The following TOPORS variants were observed in gnomAD, a reference collection of about 807,000 sequenced individuals.
The protein encoded by TOPORS is E3 ubiquitin-protein ligase Topors.
In TOPORS, 25 loss-of-function variants were observed where a neutral mutation model predicts 81.4. That is an observed-to-expected ratio of 0.31 (90% CI 0.22 to 0.43). The LOEUF is 0.43. TOPORS is among the 20% of genes least tolerant of loss of function. The probability of loss-of-function intolerance (pLI) is 1.00; values close to 1 mark genes in which losing one functional copy is unlikely to be tolerated. For missense variants in TOPORS, 1,101 were observed against 1,267.0 expected (o/e 0.87, Z 1.99); for synonymous variants, 473 against 456.6 (o/e 1.04, Z -0.46).
At position 32,543,998 on chromosome 9, in the gene TOPORS, C is replaced by A. The variant is rs778023328; in HGVS notation, c.527G>T (p.Arg176Leu). Residue 176 changes from arginine (R) to leucine (L), a missense_variant, in exon 3 of 3, where the codon CGA (arginine) becomes CTA (leucine). Arg to Leu is a moderately radical substitution (Grantham distance 102). This residue lies in a region of TOPORS where 120 missense variants were observed against 115.4 expected (regional missense o/e 1.04). Coordinates refer to ENST00000360538, the MANE Select transcript of TOPORS (RefSeq NM_005802.5). This position sits in a 1 kb window ranked among gnomAD's most constrained non-coding sequence, Gnocchi z 5.6. Reference sequence around the variant, plus strand: ...CAGAGTTGTACGGTAGCGAAATCGTCGATCAGGGGTGACAAAAGAACCATT... The same window carrying A: ...CAGAGTTGTACGGTAGCGAAATCGTAGATCAGGGGTGACAAAAGAACCATT... ...SYNGSFVTPD[R>L]RFRYRTTLTR... is the part of the protein sequence containing the mutation. 1 of 1,614,106 alleles carries A rather than the reference C, an allele frequency of 6.2e-7. No individual in the cohort carries two copies. Among genetic ancestry groups the A allele is most frequent in the South Asian group, 1.1e-5 (1 of 91,068 alleles).
At chr9:32,551,238 T>A in intron 1 of TOPORS, 1 of 584,942 alleles carries the variant, frequency 1.7e-6, no homozygotes, top group Admixed American at 3.0e-5. Context: ...TGTTCGCCCC[T>A]AACTTACCCG....
rs1821079892 is a variant in TOPORS, at chr9:32,542,413, A to ATAC, written c.2109_2111dup (p.Glu703_Tyr704insTer). On this transcript the variant is annotated stop_gained, in exon 3 of 3. Coordinates refer to ENST00000360538, the MANE Select transcript of TOPORS (RefSeq NM_005802.5). LOFTEE classifies it high-confidence loss of function. ...TGTCCTTGTTTCTACTGTAATAAGT[A>ATAC]TACTCCCATTTGTATCTGCTTCCAT... is the stretch of plus-strand genomic sequence containing the variant. 1 of 1,613,728 alleles carries ATAC rather than the reference A, an allele frequency of 6.2e-7. No individual in the cohort carries two copies. The highest frequency in any genetic ancestry group is 1.1e-5 in the South Asian group (1 of 91,090).
chr9:32,544,821 C>G (rs1298812331), intron 2 of TOPORS, among the ~76,000 whole-genome samples: 2 of 152,006 alleles, frequency 1.3e-5, no homozygotes, highest in African/African-American at 2.4e-5. Flanking sequence ...CCTCCTATCA[C>G]TCTCTAGAAA....
chr9:32,545,447 T>C (rs7851560), intron 2 of TOPORS, among the ~76,000 whole-genome samples: 34,907 of 150,830 alleles, frequency 0.23, 4,288 homozygotes, highest in African/African-American at 0.27. Flanking sequence ...CTGCATTTTA[T>C]ACTAATCATT....
chr9:32,551,326 T>C, intron 1 of TOPORS: 1 of 415,332 alleles, frequency 2.4e-6, no homozygotes, highest in East Asian at 5.2e-5. Flanking sequence ...CTTTAGTGTC[T>C]AGATAGGGGA....
Position 32,543,016 on chromosome 9 carries a change from G to C in TOPORS, c.1509C>G (p.Asp503Glu). Residue 503 changes from aspartate to glutamate, a missense_variant, in exon 3 of 3, where the codon GAC becomes GAG. By Grantham distance (45) the Asp-to-Glu change is conservative (BLOSUM62 2). This residue lies in a region of TOPORS where 605 missense variants were observed against 636.1 expected (regional missense o/e 0.95). Transcript: ENST00000360538. This position sits in a 1 kb window ranked among gnomAD's most constrained non-coding sequence, Gnocchi z 5.6. The stretch of plus-strand genomic sequence containing the variant: ...TCTCCATTTTCTCATAAGAACCTAA[G>C]TCCTCAGAATCAGAGGACAGTTCAA... The part of the protein sequence containing the change: ...ELVELSSDSE[D>E]LGSYEKMETV... The C allele has an allele frequency of 6.2e-7, 1 of 1,614,146 alleles. No homozygotes were observed. Among genetic ancestry groups the C allele is most frequent in the Non-Finnish European group, 8.5e-7 (1 of 1,180,036 alleles).
chr9:32,548,616 C>A (rs902062006), intron 2 of TOPORS, among the ~76,000 whole-genome samples: 3 of 152,136 alleles, frequency 2.0e-5, no homozygotes, highest in African/African-American at 4.8e-5. Flanking sequence ...CGATGAAAAA[C>A]ACAGTGCTTC....
In TOPORS at chr9:32,541,874, T is replaced by C. The variant is rs369736175; in HGVS notation, c.2651A>G (p.Lys884Arg). The stretch of plus-strand genomic sequence containing the variant: ...CTTCTTCTTATGTTTCTTCTTTTTC[T>C]TTTTATGGTGTTTAGTTGTATCAGT... ...KATDTTKHHKKKKKKHKKKHK... is the reference protein window; with the variant it reads ...KATDTTKHHKRKKKKHKKKHK... The change falls in exon 3 of 3, where the codon AAG becomes AGG. Residue 884 changes from lysine (K) to arginine (R), a missense_variant. Physicochemically the swap from Lys to Arg is conservative, Grantham distance 26 (BLOSUM62 2). Coordinates refer to ENST00000360538, the MANE Select transcript of TOPORS (RefSeq NM_005802.5). The C allele has an allele frequency of 1.9e-6, 3 of 1,614,058 alleles. No homozygotes were observed. The highest frequency in any genetic ancestry group is 2.7e-5 in the African/African-American group (2 of 74,942).
Position 32,543,312 on chromosome 9 carries a change from C to A in TOPORS, c.1213G>T (p.Asp405Tyr). The A allele has an allele frequency of 6.2e-7, 1 of 1,614,064 alleles. No individual in the cohort carries two copies. The highest frequency in any genetic ancestry group is 8.5e-7 in the Non-Finnish European group (1 of 1,180,016). Residue 405 changes from aspartate to tyrosine, a missense_variant, in exon 3 of 3, where the codon GAT becomes TAT. By Grantham distance (160) the Asp-to-Tyr change is radical. This residue lies in a region of TOPORS where 103 missense variants were observed against 112.1 expected (regional missense o/e 0.92). Transcript: ENST00000360538. The surrounding 1 kb of genome is among the most constrained non-coding windows in gnomAD (Gnocchi z 5.6). ...SPDEAETQEL[D>Y]INVATVSQAP... ...TGACTAACAGTGGCTACATTAATATCCAGCTCTTGGGTCTCAGCCTCATCT... is the reference window on the plus strand; with the variant it reads ...TGACTAACAGTGGCTACATTAATATACAGCTCTTGGGTCTCAGCCTCATCT...
In TOPORS at chr9:32,542,296, G is replaced by T. The variant is rs1821077634; in HGVS notation, c.2229C>A (p.Ser743=). The change falls in exon 3 of 3, where the codon TCC becomes TCA. Residue 743 remains serine (S), a synonymous_variant. Transcript: ENST00000360538. ...TCCTAGCATTTGTTCTTTCAGAAAA[G>T]GACTGAACTCTAAATTCTGGACTTG... ...QSSSPEFRVQ[S]FSERTNARKK... The T allele has an allele frequency of 5.0e-6, 8 of 1,613,952 alleles. No individual in the cohort carries two copies. Among genetic ancestry groups the T allele is most frequent in the African/African-American group, 1.3e-5 (1 of 74,886 alleles).
Position 32,544,284 on chromosome 9 carries a change from A to T in TOPORS, c.241T>A (p.Ser81Thr), listed in dbSNP as rs973149849. 1.9e-6 allele frequency: 3 copies of T among 1,603,900 alleles called. No individual in the cohort carries two copies. Among genetic ancestry groups the T allele is most frequent in the Non-Finnish European group, 2.5e-6 (3 of 1,179,978 alleles). ...AAKEFKMDNF[S>T]PKAGTSKLQQ... ...AATTTGCTAGTGCCAGCTTTAGGTG[A>T]AAAGTTGTCCATTTTAAATTCCTTA... is the stretch of plus-strand genomic sequence containing the variant. The change falls in exon 3 of 3, where the codon TCA becomes ACA. Residue 81 changes from serine (S) to threonine (T), a missense_variant. This residue lies in a region of TOPORS where 48 missense variants were observed against 73.3 expected (regional missense o/e 0.65). Coordinates refer to ENST00000360538, the MANE Select transcript of TOPORS (RefSeq NM_005802.5).
Position 32,543,155 on chromosome 9 carries a change from T to C in TOPORS, c.1370A>G (p.Gln457Arg). ...GTCATTGGTTTGTACTCCTTGTATC[T>C]GAGACGTGGCTCCTCCTGTGACAAG... ...EELVTGGATS[Q>R]IQGVQTNDDL... The change falls in exon 3 of 3, where the codon CAG becomes CGG. Residue 457 changes from glutamine (Q) to arginine (R), a missense_variant. Coordinates refer to ENST00000360538, the MANE Select transcript of TOPORS (RefSeq NM_005802.5). The surrounding 1 kb of genome is among the most constrained non-coding windows in gnomAD (Gnocchi z 5.6). 2 of 1,614,054 alleles carry C rather than the reference T, an allele frequency of 1.2e-6. No individual in the cohort carries two copies. Among genetic ancestry groups the C allele is most frequent in the Non-Finnish European group, 1.7e-6 (2 of 1,180,024 alleles).
At position 32,542,797 on chromosome 9, in the gene TOPORS, T is replaced by C. The variant is rs1339290614; in HGVS notation, c.1728A>G (p.Ser576=). The change falls in exon 3 of 3, where the codon TCA becomes TCG. Residue 576 remains serine, a synonymous_variant. Coordinates refer to ENST00000360538, the MANE Select transcript of TOPORS (RefSeq NM_005802.5). ...TSLSSPRNLN[S]SVRGDRVYSP... The stretch of plus-strand genomic sequence containing the variant: ...AATATACTCTGTCTCCTCTTACAGA[T>C]GAGTTCAGGTTTCTGGGAGATGACA... The C allele has an allele frequency of 6.2e-7, 1 of 1,613,982 alleles. No individual in the cohort carries two copies. The highest frequency in any genetic ancestry group is 8.5e-7 in the Non-Finnish European group (1 of 1,179,942).
chr9:32,551,655 T>G (rs1821264922), intron 1 of TOPORS: 1 of 285,476 alleles, frequency 3.5e-6, no homozygotes, highest in Non-Finnish European at 7.6e-6. Flanking sequence ...TCCTCAGGCC[T>G]CAAATGTGAG....
intron 2 of TOPORS, among the ~76,000 whole-genome samples, chr9:32,545,728 T>C (rs1012042877): frequency 6.6e-6 from 1 of 152,112 alleles, no homozygotes; most frequent in Non-Finnish European, 1.5e-5. Flanking sequence ...ACCATTGCAG[T>C]GGGTGACAAG....
Position 32,541,488 on chromosome 9 carries a change from T to C in TOPORS, c.3037A>G (p.Ser1013Gly), listed in dbSNP as rs771380787. The C allele has an allele frequency of 7.4e-6, 12 of 1,614,232 alleles. No homozygotes were observed. The highest frequency in any genetic ancestry group is 1.1e-5 in the South Asian group (1 of 91,086). Residue 1013 changes from serine (S) to glycine (G), a missense_variant, in exon 3 of 3, where the codon AGT (serine) becomes GGT (glycine). Physicochemically the swap from Ser to Gly is moderately conservative, Grantham distance 56. Coordinates refer to ENST00000360538, the MANE Select transcript of TOPORS (RefSeq NM_005802.5). ...TFVSDLENQPSNIVSLQTEPS... is the reference protein window; with the variant it reads ...TFVSDLENQPGNIVSLQTEPS... Reference sequence around the variant, plus strand: ...TCAGTTTGAAGAGACACAATGTTACTGGGCTGGTTCTCCAAATCAGAAACA... The same window carrying C: ...TCAGTTTGAAGAGACACAATGTTACCGGGCTGGTTCTCCAAATCAGAAACA...
In TOPORS at chr9:32,543,761, A is replaced by G. The variant is rs548547605; in HGVS notation, c.764T>C (p.Ile255Thr). 1.2e-5 allele frequency: 20 copies of G among 1,611,302 alleles called. No individual in the cohort carries two copies. In the South Asian group the frequency reaches 2.0e-4, roughly 16 times the overall value. ...RSLRKIQEQDIINFRRTLYRA... is the reference protein window; with the variant it reads ...RSLRKIQEQDTINFRRTLYRA... ...ATAAAGAGTTCGTCTAAAATTAATA[A>G]TATCTTGTTCTTGAATTTTCCGCAA... Residue 255 changes from isoleucine to threonine, a missense_variant, in exon 3 of 3, where the codon ATT (isoleucine) becomes ACT (threonine). Physicochemically the swap from Ile to Thr is moderately conservative, Grantham distance 89. Around this residue, in one of 9 missense-constraint regions of TOPORS, gnomAD observed 120 missense variants for 115.4 expected, o/e 1.04. Transcript: ENST00000360538. This position sits in a 1 kb window ranked among gnomAD's most constrained non-coding sequence, Gnocchi z 5.6.
chr9:32,548,399 C>G (rs989834773), intron 2 of TOPORS, among the ~76,000 whole-genome samples: 2 of 151,818 alleles, frequency 1.3e-5, no homozygotes, highest in Non-Finnish European at 1.5e-5. Flanking sequence ...TGGCGCATGC[C>G]TGGAATCCCA....
At chr9:32,548,265 T>G (rs1408299878) in intron 2 of TOPORS, among the ~76,000 whole-genome samples, 1 of 151,622 alleles carries the variant, frequency 6.6e-6, no homozygotes, top group East Asian at 2.0e-4. Flanking sequence ...GGCTCACGCC[T>G]GTAATCTCAA....
Sources: gnomAD v4.1 joint callset for allele counts (sites outside exome capture counted in the v4.1 genomes callset) on GRCh38, gnomAD v4.1.1 for gene constraint, gnomAD v4.1.1 regional missense constraint, Gnocchi (gnomAD v3.1) non-coding constraint, MANE v1.5 for transcripts, NCBI Gene and HGNC (gene_info 2026-07-23, HGNC 2026-07-21) for gene names.